Variants in EFCAB11 observed in about 807,000 individuals in gnomAD.
The protein encoded by EFCAB11 is EF-hand calcium-binding domain-containing protein 11.
EFCAB11 carries 14 observed loss-of-function variants against 23.0 expected under a neutral mutation model. That is an observed-to-expected ratio of 0.61 (90% CI 0.40 to 0.95). The LOEUF is 0.95. Ranked by LOEUF, EFCAB11 falls within the 40% of genes least tolerant of loss-of-function variation. The probability of loss-of-function intolerance (pLI) is 0.00; values close to 1 mark genes in which losing one functional copy is unlikely to be tolerated. For synonymous variants in EFCAB11, 65 were observed against 66.6 expected (o/e 0.98, Z 0.11); for missense variants, 198 against 195.8 (o/e 1.01, Z -0.07).
chr14:89,895,852 A>G (rs1044206436), intron 5 of EFCAB11, among the ~76,000 whole-genome samples: 2 of 152,244 alleles, frequency 1.3e-5, no homozygotes, highest in Non-Finnish European at 2.9e-5. Context: ...TGAAAAGACA[A>G]GTCACAAGCT....
chr14:89,921,921 A>G (rs1015850265), intron 5 of EFCAB11, among the ~76,000 whole-genome samples: 1 of 152,348 alleles, frequency 6.6e-6, no homozygotes, highest in African/African-American at 2.4e-5. Flanking sequence ...CAATATTACC[A>G]AAATTCCACC....
At chr14:89,812,053 T>G (rs117296466) in intron 5 of EFCAB11, among the ~76,000 whole-genome samples, 2,041 of 152,252 alleles carry the variant, frequency 0.013, 20 homozygotes, top group Non-Finnish European at 0.022. Flanking sequence ...AGATTTAAGG[T>G]TGGTTCCAGT....
At chr14:89,826,151 GATTA>G (rs1274280567) in intron 5 of EFCAB11, among the ~76,000 whole-genome samples, 1 of 151,974 alleles carries the variant, frequency 6.6e-6, no homozygotes, top group Non-Finnish European at 1.5e-5. Context: ...ATGTCTTCTT[GATTA>G]ATTGACCCTG....
chr14:89,841,032 C>A (rs1300152245), intron 5 of EFCAB11, among the ~76,000 whole-genome samples: 2 of 152,194 alleles, frequency 1.3e-5, no homozygotes, highest in African/African-American at 4.8e-5. Context: ...TTCCAGTCTC[C>A]CGTGTCTTCT....
At chr14:89,848,414 C>T (rs1208170202) in intron 5 of EFCAB11, 1 of 152,106 alleles carries the variant, frequency 6.6e-6, no homozygotes, top group Non-Finnish European at 1.5e-5. Context: ...AAAAAAATCC[C>T]TGATTTGTAG....
intron 5 of EFCAB11, among the ~76,000 whole-genome samples, chr14:89,894,229 C>T (rs1472573726): frequency 6.6e-6 from 1 of 152,008 alleles, no homozygotes; most frequent in Non-Finnish European, 1.5e-5. Context: ...GGATTACAGG[C>T]GTGAGCCACC....
rs986781318 is a variant in EFCAB11 at position 89,796,470 on chromosome 14, A to G, written c.*773T>C. 3.3e-5 allele frequency: 5 copies of G among 151,808 alleles called. No homozygotes were observed. Among genetic ancestry groups the G allele is most frequent in the African/African-American group, 1.2e-4 (5 of 41,330 alleles). The allele number at this position is 151,808 out of a possible 1,614,324, so 9.4% of individuals were successfully genotyped here. ...TACAGGTACACACCACTAAATCCAG[A>G]TAATTTTTTATTATTAATTTTTTGG... On this transcript the variant is annotated 3_prime_UTR_variant, in exon 6 of 6. Coordinates refer to ENST00000316738, the MANE Select transcript of EFCAB11 (RefSeq NM_145231.4).
At chr14:89,820,202 T>C (rs1437402593) in intron 5 of EFCAB11, among the ~76,000 whole-genome samples, 1 of 152,176 alleles carries the variant, frequency 6.6e-6, no homozygotes, top group East Asian at 1.9e-4. Context: ...TACAGGTGTT[T>C]AAGTGCAGAG....
intron 5 of EFCAB11, among the ~76,000 whole-genome samples, chr14:89,916,239 T>A (rs549424087): frequency 9.9e-5 from 15 of 152,162 alleles, no homozygotes; most frequent in African/African-American, 3.6e-4. Context: ...CTACTTGTGA[T>A]GATAAATTTG....
chr14:89,924,598 G>C, intron 5 of EFCAB11: 1 of 1,534,530 alleles, frequency 6.5e-7, no homozygotes, highest in Non-Finnish European at 8.7e-7. Context: ...ACAGGGTGTT[G>C]ATGGCAGGCA....
At chr14:89,909,916 C>T (rs1177596013) in intron 5 of EFCAB11, among the ~76,000 whole-genome samples, 2 of 152,190 alleles carry the variant, frequency 1.3e-5, no homozygotes, top group African/African-American at 2.4e-5. Flanking sequence ...GGTCTCACGC[C>T]GGCTATCACT....
intron 5 of EFCAB11, among the ~76,000 whole-genome samples, chr14:89,886,899 A>C (rs927758642): frequency 2.6e-5 from 4 of 152,252 alleles, no homozygotes; most frequent in Non-Finnish European, 4.4e-5. Context: ...TTAACTTTTT[A>C]GTTAGCTAAT....
At chr14:89,901,743 A>G (rs1889344708) in intron 5 of EFCAB11, among the ~76,000 whole-genome samples, 1 of 152,230 alleles carries the variant, frequency 6.6e-6, no homozygotes, top group African/African-American at 2.4e-5. Flanking sequence ...GTGAAATATG[A>G]TATGACATAA....
At chr14:89,799,563 C>A (rs1428785758) in intron 5 of EFCAB11, 1 of 152,150 alleles carries the variant, frequency 6.6e-6, no homozygotes, top group Non-Finnish European at 1.5e-5. Flanking sequence ...TCTGTTACAG[C>A]ATTCAACCCT....
chr14:89,883,001 T>C (rs1037300259), intron 5 of EFCAB11, among the ~76,000 whole-genome samples: 1 of 152,138 alleles, frequency 6.6e-6, no homozygotes, highest in African/African-American at 2.4e-5. Context: ...CCCCACTCTT[T>C]CTTTTGCTTC....
At chr14:89,909,687 C>T (rs1026290680) in intron 5 of EFCAB11, among the ~76,000 whole-genome samples, 3 of 152,314 alleles carry the variant, frequency 2.0e-5, no homozygotes, top group Admixed American at 2.0e-4. Context: ...ACCCTCATCA[C>T]CTGGCACTGC....
intron 3 of EFCAB11, among the ~76,000 whole-genome samples, chr14:89,937,474 C>T (rs1015892427): frequency 6.6e-6 from 1 of 152,120 alleles, no homozygotes; most frequent in African/African-American, 2.4e-5. Flanking sequence ...GAAAACATCT[C>T]CTTCCATTTT....
chr14:89,915,689 T>A (rs1889818669), intron 5 of EFCAB11, among the ~76,000 whole-genome samples: 1 of 152,166 alleles, frequency 6.6e-6, no homozygotes, highest in African/African-American at 2.4e-5. Context: ...CAGAGAAAAC[T>A]CAATCTACCC....
chr14:89,836,462 T>C lies in EFCAB11; in HGVS notation c.411-39138A>G, dbSNP rs140225381. 461 of 431,462 alleles carry C rather than the reference T, an allele frequency of 1.1e-3. 1 individual carries two copies. Among genetic ancestry groups the C allele is most frequent in the African/African-American group, 8.5e-3 (419 of 49,412 alleles). 26.7% of individuals were successfully genotyped at this position (431,462 alleles called of 1,614,324 possible). The stretch of plus-strand genomic sequence containing the variant: ...CTTCCTGAGGGTCTGCCCAGAGTGG[T>C]TGTTTGAAGGGGATGTGGATTAAGC... On this transcript the variant is annotated intron_variant, in intron 5 of 5. Transcript: ENST00000316738.
Sources: gnomAD v4.1 joint callset for allele counts (sites outside exome capture counted in the v4.1 genomes callset) on GRCh38, gnomAD v4.1.1 for gene constraint, MANE v1.5 for transcripts, NCBI Gene and HGNC (gene_info 2026-07-23, HGNC 2026-07-21) for gene names.